The following RBKS variants were observed in gnomAD, a reference collection of about 807,000 sequenced individuals.
RBKS encodes the protein ribokinase.
A neutral mutation model predicts 33.9 loss-of-function variants in RBKS; 33 were observed. The ratio of observed to expected loss-of-function variants is 0.97; its 90% CI spans 0.74 to 1.30. RBKS has a LOEUF of 1.30. Among genes scored for constraint, RBKS ranks in the 50% most tolerant of loss-of-function variants. RBKS has a pLI of 0.00. For missense variants in RBKS, 361 were observed against 392.6 expected (o/e 0.92, Z 0.68); for synonymous variants, 125 against 143.0 (o/e 0.87, Z 0.90).
intron 1 of RBKS, among the ~76,000 whole-genome samples, chr2:27,872,348 T>TA (rs915715825): frequency 1.3e-5 from 2 of 151,806 alleles, no homozygotes; most frequent in Admixed American, 6.6e-5. Flanking sequence ...AGTGCAGTTA[T>TA]AAAAAAAATT....
intron 4 of RBKS, 39 bp downstream of exon 4, chr2:27,847,003 T>C: frequency 7.2e-7 from 1 of 1,390,692 alleles, no homozygotes; most frequent in Non-Finnish European, 1.0e-6. Flanking sequence ...GGAAATACAC[T>C]GTCTTATGAA....
intron 2 of RBKS, among the ~76,000 whole-genome samples, chr2:27,853,244 T>C (rs932525652): frequency 8.6e-5 from 13 of 151,150 alleles, no homozygotes; most frequent in Non-Finnish European, 1.6e-4. Context: ...TGCATGCCTG[T>C]AGTCTCAGCT....
At chr2:27,835,373 G>A (rs1443153275) in intron 5 of RBKS, among the ~76,000 whole-genome samples, 2 of 151,734 alleles carry the variant, frequency 1.3e-5, no homozygotes, top group East Asian at 3.9e-4. Flanking sequence ...TATCAAGAAA[G>A]ATTTCTATAA....
In RBKS at chr2:27,810,810, C is replaced by G. The variant is rs1677975390; in HGVS notation, c.795+16757G>C. ...CCATCTCTCACCCAGATCAATACGA[C>G]AGTCTCTGGACTGTTCTCCCTGACT... is the stretch of plus-strand genomic sequence containing the variant. On this transcript the variant is annotated intron_variant, in intron 7 of 7. Coordinates refer to ENST00000302188, the MANE Select transcript of RBKS (RefSeq NM_022128.3). The surrounding 1 kb of genome is among the most constrained non-coding windows in gnomAD (Gnocchi z 4.4). 1.3e-5 allele frequency among the ~76,000 whole-genome samples: 2 copies of G among 152,198 alleles called. No individual in the cohort carries two copies. The highest frequency in any genetic ancestry group is 1.3e-4 in the Admixed American group (2 of 15,274).
At chr2:27,823,425 T>C (rs976391972) in intron 7 of RBKS, among the ~76,000 whole-genome samples, 1 of 152,192 alleles carries the variant, frequency 6.6e-6, no homozygotes, top group Admixed American at 6.5e-5. Context: ...ACTAAAGATG[T>C]TTCCAGCACC....
At position 27,860,947 on chromosome 2, in the gene RBKS, TTGTCTC is replaced by T. The variant is rs566913881; in HGVS notation, c.90-2382_90-2377del. Among the ~76,000 whole-genome samples the T allele has an allele frequency of 3.5e-3, 535 of 151,888 alleles. 1 individual carries two copies. Among genetic ancestry groups the T allele is most frequent in the Non-Finnish European group, 5.9e-3 (399 of 67,984 alleles). On this transcript the variant is annotated intron_variant, in intron 1 of 7. Transcript: ENST00000302188. The stretch of plus-strand genomic sequence containing the variant: ...AACAGATTTTTGTAAGAGTCTCCCT[TTGTCTC>T]TGTCTCTGTCTCTCTTTCTCTCTTT...
At chr2:27,800,551 G>A (rs1490704799) in intron 7 of RBKS, among the ~76,000 whole-genome samples, 1 of 152,150 alleles carries the variant, frequency 6.6e-6, no homozygotes, top group African/African-American at 2.4e-5. Context: ...GTTCAACAAA[G>A]GTGAGGCAGA....
At chr2:27,887,769 A>G (rs2148236482) in intron 1 of RBKS, among the ~76,000 whole-genome samples, 1 of 152,032 alleles carries the variant, frequency 6.6e-6, no homozygotes, top group African/African-American at 2.4e-5. Context: ...GCTAATCATC[A>G]GTAAAATTTT....
chr2:27,798,797 G>C (rs1011787110), intron 7 of RBKS, among the ~76,000 whole-genome samples: 1 of 152,204 alleles, frequency 6.6e-6, no homozygotes, highest in Non-Finnish European at 1.5e-5. Context: ...AGTACATGGA[G>C]ACACCTCGGC....
intron 2 of RBKS, among the ~76,000 whole-genome samples, chr2:27,850,787 G>C (rs1472532166): frequency 2.6e-5 from 4 of 152,282 alleles, no homozygotes; most frequent in Non-Finnish European, 4.4e-5. Context: ...TCTGTGTGCA[G>C]GTTTTGGTGT....
chr2:27,887,906 C>T (rs1664572589), intron 1 of RBKS, among the ~76,000 whole-genome samples: 1 of 152,046 alleles, frequency 6.6e-6, no homozygotes, highest in Non-Finnish European at 1.5e-5. Flanking sequence ...TAAATAATTT[C>T]CAAATTTTTC....
chr2:27,843,974 T>A (rs918278016), intron 4 of RBKS, among the ~76,000 whole-genome samples: 1 of 152,140 alleles, frequency 6.6e-6, no homozygotes, highest in African/African-American at 2.4e-5. Context: ...ATGTGGCTAG[T>A]CCTGGCTGGG....
At chr2:27,815,506 T>C (rs1337516435) in intron 7 of RBKS, among the ~76,000 whole-genome samples, 1 of 152,150 alleles carries the variant, frequency 6.6e-6, no homozygotes, top group Non-Finnish European at 1.5e-5. Flanking sequence ...TCTAGGTGGT[T>C]TTCTTTCACC....
chr2:27,803,229 C>A (rs1677833205), intron 7 of RBKS, among the ~76,000 whole-genome samples: 1 of 152,172 alleles, frequency 6.6e-6, no homozygotes, highest in African/African-American at 2.4e-5. Flanking sequence ...CCTTCCCTAA[C>A]CAGGTCAGTT....
rs763284902 is a variant in RBKS at position 27,832,712 on chromosome 2, C to G, written c.580G>C (p.Asp194His). 6 of 1,613,240 alleles carry G rather than the reference C, an allele frequency of 3.7e-6. No individual in the cohort carries two copies. The highest frequency in any genetic ancestry group is 5.1e-6 in the Non-Finnish European group (6 of 1,179,328). ...DLDPQFYTLS[D>H]VFCCNESEAE... Reference sequence around the variant, plus strand: ...TCACTTTCATTGCAGCAGAACACATCTGAGAGGGTGTAGAACTGGGGATCC... The same window carrying G: ...TCACTTTCATTGCAGCAGAACACATGTGAGAGGGTGTAGAACTGGGGATCC... Residue 194 changes from aspartate (D) to histidine (H), a missense_variant, in exon 6 of 8, where the codon GAT (aspartate) becomes CAT (histidine). Physicochemically the swap from Asp to His is moderately conservative, Grantham distance 81. Transcript: ENST00000302188.
At chr2:27,875,652 A>C (rs1222220357) in intron 1 of RBKS, among the ~76,000 whole-genome samples, 1 of 152,226 alleles carries the variant, frequency 6.6e-6, no homozygotes, top group Non-Finnish European at 1.5e-5. Context: ...CCAAAAGATA[A>C]GTGTTCAAAG....
intron 1 of RBKS, among the ~76,000 whole-genome samples, chr2:27,861,936 C>G (rs1356493089): frequency 6.7e-6 from 1 of 149,222 alleles, no homozygotes; most frequent in Non-Finnish European, 1.5e-5. Context: ...TGATCCATGG[C>G]GCCTGGCCTG....
At chr2:27,884,360 A>T (rs925511188) in intron 1 of RBKS, among the ~76,000 whole-genome samples, 1 of 151,814 alleles carries the variant, frequency 6.6e-6, no homozygotes, top group Non-Finnish European at 1.5e-5. Context: ...CGATCCTCCC[A>T]CCTCAGCCCC....
intron 7 of RBKS, among the ~76,000 whole-genome samples, chr2:27,814,469 C>T (rs1376239581): frequency 6.6e-6 from 1 of 151,998 alleles, no homozygotes; most frequent in Non-Finnish European, 1.5e-5. Flanking sequence ...GAAAGAGAGG[C>T]AATCTGATTT....
Sources: allele counts gnomAD v4.1 joint callset (sites outside exome capture counted in the v4.1 genomes callset), GRCh38; gene constraint gnomAD v4.1.1; non-coding constraint Gnocchi (gnomAD v3.1); transcripts MANE v1.5; gene names NCBI Gene and HGNC (gene_info 2026-07-23, HGNC 2026-07-21).